The following MAST4 variants were observed in gnomAD, a reference collection of about 807,000 sequenced individuals.
The protein encoded by MAST4 is microtubule associated serine/threonine kinase family member 4, also known as microtubule-associated serine/threonine-protein kinase 4.
A neutral mutation model predicts 162.7 loss-of-function variants in MAST4; 89 were observed. The observed-to-expected ratio is 0.55, with a 90% confidence interval of 0.46 to 0.65. The LOEUF is 0.65. Ranked by LOEUF, MAST4 falls within the 30% of genes least tolerant of loss-of-function variation. MAST4 has a pLI of 0.00. For synonymous variants in MAST4, 1,479 were observed against 1,361.1 expected, an observed-to-expected ratio of 1.09 and a Z score of -1.91; for missense variants, 3,153 against 3,374.0, an observed-to-expected ratio of 0.93 and a Z score of 1.62.
intron 1 of MAST4, among the ~76,000 whole-genome samples, chr5:66,700,798 T>TACACACAC (rs1240400584): frequency 3.2e-4 from 43 of 136,216 alleles, no homozygotes; most frequent in African/African-American, 1.0e-3. Context: ...TATATATATA[T>TACACACAC]ATACACACAC....
At chr5:66,702,124 T>A (rs749951840) in intron 1 of MAST4, among the ~76,000 whole-genome samples, 1 of 152,182 alleles carries the variant, frequency 6.6e-6, no homozygotes, top group African/African-American at 2.4e-5. Context: ...GTTGATTGGC[T>A]CCTTGGCCCT....
At chr5:67,079,486 A>G (rs927605541) in intron 5 of MAST4, among the ~76,000 whole-genome samples, 2 of 152,136 alleles carry the variant, frequency 1.3e-5, no homozygotes, top group African/African-American at 4.8e-5. Context: ...GAATTGTAGG[A>G]CTGGGCATGG....
At chr5:67,096,163 A>G (rs1764448922) in intron 7 of MAST4, among the ~76,000 whole-genome samples, 1 of 152,154 alleles carries the variant, frequency 6.6e-6, no homozygotes, top group Non-Finnish European at 1.5e-5. Flanking sequence ...ACTTTCTTTT[A>G]AGAAAGAATT....
intron 3 of MAST4, among the ~76,000 whole-genome samples, chr5:66,874,571 C>T (rs1295651846): frequency 2.0e-5 from 3 of 152,100 alleles, no homozygotes; most frequent in African/African-American, 7.2e-5. Context: ...TTTCAAAACC[C>T]GAAAGTGTTG....
intron 3 of MAST4, among the ~76,000 whole-genome samples, chr5:66,868,902 G>GC (rs1170747531): frequency 1.3e-5 from 2 of 151,994 alleles, no homozygotes; most frequent in African/African-American, 4.8e-5. Flanking sequence ...ATCAACATCT[G>GC]CCCCCTGCCG....
At chr5:66,905,301 TC>T (rs1561431978) in intron 4 of MAST4, among the ~76,000 whole-genome samples, 2 of 37,398 alleles carry the variant, frequency 5.3e-5, no homozygotes, top group South Asian at 9.4e-4. Context: ...AAACTCTGTC[TC>T]AAAAAAAAAA....
intron 1 of MAST4, among the ~76,000 whole-genome samples, chr5:66,731,590 C>T (rs1233361303): frequency 6.6e-6 from 1 of 152,142 alleles, no homozygotes; most frequent in African/African-American, 2.4e-5. Context: ...TCTTTTTTCT[C>T]TTCCAACTTT....
In MAST4 at chr5:66,683,481, G is replaced by A. The variant is rs145504895; in HGVS notation, c.364-76228G>A. On this transcript the variant is annotated intron_variant, in intron 1 of 28. Coordinates refer to ENST00000403625, the MANE Select transcript of MAST4 (RefSeq NM_001164664.2). ...TGTCTCCATAGTGCTGTTTTTACAC[G>A]TCCTGTCCTGTCCTCTCTTAGTTGT... 8.1e-4 allele frequency among the ~76,000 whole-genome samples: 124 copies of A among 152,224 alleles called. 1 individual carries two copies. Among genetic ancestry groups the A allele is most frequent in the African/African-American group, 2.8e-3 (115 of 41,512 alleles).
chr5:66,717,296 T>G (rs1233324676), intron 1 of MAST4, among the ~76,000 whole-genome samples: 1 of 152,184 alleles, frequency 6.6e-6, no homozygotes, highest in Non-Finnish European at 1.5e-5. Context: ...AATTAGGGGT[T>G]AAGGAGGCAG....
At chr5:66,631,745 T>A (rs1744811544) in intron 1 of MAST4, among the ~76,000 whole-genome samples, 1 of 152,196 alleles carries the variant, frequency 6.6e-6, no homozygotes, top group South Asian at 2.1e-4. Flanking sequence ...TGATTTAACA[T>A]CTTGGACCCT....
chr5:66,957,199 C>T (rs933192342), intron 4 of MAST4, among the ~76,000 whole-genome samples: 1 of 152,072 alleles, frequency 6.6e-6, no homozygotes, highest in Non-Finnish European at 1.5e-5. Context: ...TTGTGGATTT[C>T]GCTTTATTTT....
Position 66,703,029 on chromosome 5 carries a change from C to T in MAST4, c.364-56680C>T, listed in dbSNP as rs551987220. ...AACCTGGACCTATTTGAAGGGTGGA[C>T]CTGTTAGGATTCATTATGGATTAAA... On this transcript the variant is annotated intron_variant, in intron 1 of 28. Coordinates refer to ENST00000403625, the MANE Select transcript of MAST4 (RefSeq NM_001164664.2). Among the ~76,000 whole-genome samples, 201 of 152,188 alleles carry T rather than the reference C, an allele frequency of 1.3e-3. 2 individuals are homozygous for T. Among genetic ancestry groups the T allele is most frequent in the Non-Finnish European group, 2.2e-3 (149 of 68,006 alleles).
intron 4 of MAST4, among the ~76,000 whole-genome samples, chr5:66,962,316 T>C (rs1265029700): frequency 6.6e-6 from 1 of 152,230 alleles, no homozygotes; most frequent in East Asian, 1.9e-4. Context: ...CGGTGGTGCA[T>C]GCCCATAGTT....
At chr5:66,854,114 C>T (rs1759505581) in intron 3 of MAST4, among the ~76,000 whole-genome samples, 1 of 151,992 alleles carries the variant, frequency 6.6e-6, no homozygotes, top group Non-Finnish European at 1.5e-5. Context: ...TCTTAACCTC[C>T]CCAGTAGCAG....
At chr5:66,888,257 C>T (rs772995883) in intron 3 of MAST4, among the ~76,000 whole-genome samples, 1 of 152,134 alleles carries the variant, frequency 6.6e-6, no homozygotes, top group Admixed American at 6.5e-5. Flanking sequence ...AATCTTCCAT[C>T]GTGCTCATAC....
At chr5:66,608,405 G>A (rs1367725846) in intron 1 of MAST4, among the ~76,000 whole-genome samples, 1 of 122,034 alleles carries the variant, frequency 8.2e-6, no homozygotes, top group East Asian at 2.5e-4. Flanking sequence ...GAACATTAAG[G>A]TCTATATATA....
At chr5:67,017,449 G>T (rs943388440) in intron 4 of MAST4, among the ~76,000 whole-genome samples, 5 of 152,134 alleles carry the variant, frequency 3.3e-5, no homozygotes, top group African/African-American at 1.2e-4. Flanking sequence ...GCAACTAGGT[G>T]TTAGTTTTGT....
chr5:66,641,072 T>C (rs1285710128), intron 1 of MAST4, among the ~76,000 whole-genome samples: 1 of 152,224 alleles, frequency 6.6e-6, no homozygotes, highest in African/African-American at 2.4e-5. Context: ...TCTTTTGGCA[T>C]TGAGTTGCCT....
chr5:66,899,926 T>C, intron 3 of MAST4, 25 bp from the exon 4 acceptor site: 1 of 1,506,028 alleles, frequency 6.6e-7, no homozygotes, highest in Non-Finnish European at 8.9e-7. Context: ...GCATTGCTTA[T>C]ATATGGTTTT....
Sources: gnomAD v4.1 joint callset for allele counts (sites outside exome capture counted in the v4.1 genomes callset) on GRCh38, gnomAD v4.1.1 for gene constraint, MANE v1.5 for transcripts, NCBI Gene and HGNC (gene_info 2026-07-23, HGNC 2026-07-21) for gene names.